The following VPS13D variants were observed in gnomAD, a reference collection of about 807,000 sequenced individuals.
The protein encoded by VPS13D is vacuolar protein sorting 13 homolog D.
Under a neutral mutation model 461.9 loss-of-function variants are expected in VPS13D, and 187 were observed. The ratio of observed to expected loss-of-function variants is 0.40; its 90% CI spans 0.36 to 0.46. VPS13D has a LOEUF of 0.46. Among genes scored for constraint, VPS13D ranks in the 20% least tolerant of loss-of-function variants. The pLI is 0.60. For missense variants in VPS13D, 4,711 were observed against 5,364.9 expected, an observed-to-expected ratio of 0.88 and a Z score of 3.81; for synonymous variants, 1,951 against 1,986.3, an observed-to-expected ratio of 0.98 and a Z score of 0.47.
At position 12,460,201 on chromosome 1, in the gene VPS13D, G is replaced by A; in HGVS notation, c.12467G>A (p.Gly4156Asp). ...LVAGIHGLAH[G>D]IIGGLTSVIT... is the part of the protein sequence containing the mutation. Reference sequence around the variant, plus strand: ...CAACAGCCCTTGTCTTTTTCACTAGGTATCATTGGTGGACTGACCAGTGTT... The same window carrying A: ...CAACAGCCCTTGTCTTTTTCACTAGATATCATTGGTGGACTGACCAGTGTT... Residue 4156 changes from glycine (G) to aspartate (D), a missense_variant and splice_region_variant, in exon 67 of 70, where the codon GGT becomes GAT. This residue lies in a region of VPS13D where 106 missense variants were observed against 206.2 expected (regional missense o/e 0.51). Transcript: ENST00000620676. 6.4e-7 allele frequency: 1 copy of A among 1,568,342 alleles called. No homozygotes were observed. Among genetic ancestry groups the A allele is most frequent in the Non-Finnish European group, 8.6e-7 (1 of 1,156,232 alleles).
intron 65 of VPS13D, among the ~76,000 whole-genome samples, chr1:12,454,352 G>A (rs956186157): frequency 6.6e-5 from 10 of 152,316 alleles, no homozygotes; most frequent in Non-Finnish European, 1.0e-4. Flanking sequence ...GCTTTGCAGC[G>A]TCGTGTGGTG....
intron 60 of VPS13D, among the ~76,000 whole-genome samples, chr1:12,398,540 C>T (rs1644530051): frequency 3.3e-5 from 5 of 151,884 alleles, no homozygotes. Flanking sequence ...TAGGGGTACC[C>T]AAAAAGATGG....
At position 12,299,262 on chromosome 1, in the gene VPS13D, G is replaced by C. The variant is rs749033141; in HGVS notation, c.6094G>C (p.Val2032Leu). 2 of 1,613,620 alleles carry C rather than the reference G, an allele frequency of 1.2e-6. No homozygotes were observed. The highest frequency in any genetic ancestry group is 1.7e-6 in the Non-Finnish European group (2 of 1,179,946). The part of the protein sequence containing the change: ...VLLDIEAGAP[V>L]LLIPESSRSN... Reference sequence around the variant, plus strand: ...CCTGGATATTGAGGCTGGTGCTCCCGTTCTCTTGATCCCAGAAAGTTCCAG... The same window carrying C: ...CCTGGATATTGAGGCTGGTGCTCCCCTTCTCTTGATCCCAGAAAGTTCCAG... The change falls in exon 25 of 70, where the codon GTT becomes CTT. Residue 2032 changes from valine (V) to leucine (L), a missense_variant. By Grantham distance (32) the Val-to-Leu change is conservative (BLOSUM62 1). Transcript: ENST00000620676. The surrounding 1 kb of genome is among the most constrained non-coding windows in gnomAD (Gnocchi z 4.2).
At chr1:12,454,620 A>C (rs1645302578) in intron 65 of VPS13D, among the ~76,000 whole-genome samples, 1 of 152,236 alleles carries the variant, frequency 6.6e-6, no homozygotes. Flanking sequence ...TTCTGTGCCC[A>C]GAACTCACTG....
intron 67 of VPS13D, among the ~76,000 whole-genome samples, chr1:12,471,337 T>C (rs994544776): frequency 3.3e-5 from 5 of 152,214 alleles, no homozygotes; most frequent in Admixed American, 6.5e-5. Flanking sequence ...AAACCTGTTA[T>C]TTTTACCTGA....
chr1:12,318,170 C>G lies in VPS13D; in HGVS notation c.7247C>G (p.Thr2416Ser), dbSNP rs770981616. The G allele has an allele frequency of 1.9e-6, 3 of 1,614,062 alleles. No homozygotes were observed. Among genetic ancestry groups the G allele is most frequent in the Non-Finnish European group, 2.5e-6 (3 of 1,180,034 alleles). Residue 2416 changes from threonine to serine, a missense_variant, in exon 31 of 70, where the codon ACT becomes AGT. By Grantham distance (58) the Thr-to-Ser change is moderately conservative. Around this residue, in one of 3 missense-constraint regions of VPS13D, gnomAD observed 4,411 missense variants for 4,937.8 expected, o/e 0.89. Transcript: ENST00000620676. ...WLLLVHDFLH[T>S]PSDIKKQNHV... ...CTGTTAGTCCATGATTTTCTCCACA[C>G]TCCCAGTGATATTAAGAAACAAAAT...
chr1:12,321,720 A>C, intron 32 of VPS13D, 89 bp from the exon 33 acceptor site: 4 of 1,392,660 alleles, frequency 2.9e-6, no homozygotes, highest in Non-Finnish European at 3.9e-6. Flanking sequence ...CACATGGCTG[A>C]CTGCTTCTGA....
intron 65 of VPS13D, among the ~76,000 whole-genome samples, chr1:12,448,419 G>A (rs1645221365): frequency 6.6e-6 from 1 of 152,150 alleles, no homozygotes; most frequent in Non-Finnish European, 1.5e-5. Flanking sequence ...CCCATGGCCA[G>A]TGCTAACTGT....
chr1:12,257,849 G>C, intron 9 of VPS13D, 86 bp from the exon 10 acceptor site: 5 of 1,473,772 alleles, frequency 3.4e-6, no homozygotes, highest in East Asian at 2.3e-5. Flanking sequence ...CAGGAGAGGA[G>C]TGGGGTTATG....
chr1:12,359,069 T>TG lies in VPS13D; in HGVS notation c.10141+473dup, dbSNP rs929248451. Among the ~76,000 whole-genome samples, 3 of 152,152 alleles carry TG rather than the reference T, an allele frequency of 2.0e-5. 1 individual carries two copies. Among genetic ancestry groups the TG allele is most frequent in the Admixed American group, 6.5e-5 (1 of 15,284 alleles). On this transcript the variant is annotated intron_variant, in intron 50 of 69. Transcript: ENST00000620676. Reference sequence around the variant, plus strand: ...TCTGGGTCAGAAGTAGGATCAGGATTGGGGGATACAAATAAAATGCACTTG... The same window carrying TG: ...TCTGGGTCAGAAGTAGGATCAGGATTGGGGGGATACAAATAAAATGCACTTG...
intron 37 of VPS13D, among the ~76,000 whole-genome samples, chr1:12,330,751 A>G (rs1318887331): frequency 1.3e-5 from 2 of 151,654 alleles, no homozygotes; most frequent in Non-Finnish European, 2.9e-5. Flanking sequence ...TATTTTTAGT[A>G]GAGATGGGGT....
chr1:12,498,852 T>C (rs1471540269), intron 68 of VPS13D, among the ~76,000 whole-genome samples: 1 of 152,178 alleles, frequency 6.6e-6, no homozygotes, highest in African/African-American at 2.4e-5. Flanking sequence ...ACTAATCCTA[T>C]CAGCTCAGGG....
intron 52 of VPS13D, among the ~76,000 whole-genome samples, chr1:12,363,781 C>T (rs750680347): frequency 6.6e-6 from 1 of 151,638 alleles, no homozygotes; most frequent in Non-Finnish European, 1.5e-5. Flanking sequence ...GATGAAACCC[C>T]GTCTCTACTA....
chr1:12,399,649 G>A (rs1266841229), intron 60 of VPS13D, among the ~76,000 whole-genome samples: 2 of 151,682 alleles, frequency 1.3e-5, no homozygotes, highest in African/African-American at 2.4e-5. Flanking sequence ...GAGAAACCCC[G>A]TCTCTACTAA....
At chr1:12,418,587 T>C (rs907504583) in intron 65 of VPS13D, among the ~76,000 whole-genome samples, 2 of 152,218 alleles carry the variant, frequency 1.3e-5, no homozygotes, top group Non-Finnish European at 2.9e-5. Flanking sequence ...GATTTAACAA[T>C]AGGACTTCCT....
At chr1:12,498,425 G>C (rs1274296131) in intron 68 of VPS13D, among the ~76,000 whole-genome samples, 2 of 152,306 alleles carry the variant, frequency 1.3e-5, no homozygotes, top group East Asian at 3.9e-4. Flanking sequence ...AGTCTTCAGA[G>C]TCATTGTTAG....
chr1:12,313,202 C>T (rs867064244), intron 29 of VPS13D, among the ~76,000 whole-genome samples: 10 of 151,972 alleles, frequency 6.6e-5, no homozygotes, highest in South Asian at 2.1e-4. Context: ...GTTGAAAGTC[C>T]GCCACGGTCT....
intron 32 of VPS13D, among the ~76,000 whole-genome samples, chr1:12,320,195 A>T (rs555732333): frequency 6.6e-6 from 1 of 152,206 alleles, no homozygotes; most frequent in Non-Finnish European, 1.5e-5. Context: ...ATGTCATCTC[A>T]TGAAGAAGAT....
intron 31 of VPS13D, among the ~76,000 whole-genome samples, 197 bp from the exon 32 acceptor site, chr1:12,319,300 G>T (rs532767557): frequency 8.5e-5 from 13 of 152,248 alleles, no homozygotes; most frequent in Admixed American, 2.6e-4. Flanking sequence ...GAGCTCTGTT[G>T]GTTCAGCTGC....
Sources: gnomAD v4.1 joint callset for allele counts (sites outside exome capture counted in the v4.1 genomes callset) on GRCh38, gnomAD v4.1.1 for gene constraint, gnomAD v4.1.1 regional missense constraint, Gnocchi (gnomAD v3.1) non-coding constraint, MANE v1.5 for transcripts, NCBI Gene and HGNC (gene_info 2026-07-23, HGNC 2026-07-21) for gene names.